The following GRID2 variants were observed in gnomAD, a reference collection of about 807,000 sequenced individuals.
GRID2 encodes the protein glutamate receptor ionotropic, delta-2.
GRID2 carries 33 observed loss-of-function variants against 114.8 expected under a neutral mutation model. The ratio of observed to expected loss-of-function variants is 0.29; its 90% CI spans 0.22 to 0.38. The LOEUF is 0.38. GRID2 is among the 10% of genes least tolerant of loss of function. The probability of loss-of-function intolerance (pLI) is 1.00; values close to 1 mark genes in which losing one functional copy is unlikely to be tolerated. For synonymous variants in GRID2, 505 were observed against 449.9 expected, an observed-to-expected ratio of 1.12 and a Z score of -1.55; for missense variants, 1,184 against 1,257.7, an observed-to-expected ratio of 0.94 and a Z score of 0.89.
intron 8 of GRID2, among the ~76,000 whole-genome samples, chr4:93,364,393 A>C (rs1418932231): frequency 1.3e-5 from 2 of 152,078 alleles, no homozygotes; most frequent in Non-Finnish European, 2.9e-5. Context: ...TGGGTTAGAA[A>C]ATTTTTCTTC....
Position 92,460,032 on chromosome 4 carries a change from C to CTCTATATATATATATATATATATA in GRID2, c.89-130098_89-130097insCTATATATATATATATATATATAT, listed in dbSNP as rs749790235. Among the ~76,000 whole-genome samples the CTCTATATATATATATATATATATA allele has an allele frequency of 1.8e-3, 89 of 48,296 alleles. 1 individual carries two copies. Among genetic ancestry groups the CTCTATATATATATATATATATATA allele is most frequent in the African/African-American group, 5.7e-3 (56 of 9,818 alleles). 31.7% of individuals were successfully genotyped at this position (48,296 alleles called of 152,430 possible). On this transcript the variant is annotated intron_variant, in intron 1 of 15. Coordinates refer to ENST00000282020, the MANE Select transcript of GRID2 (RefSeq NM_001510.4). The stretch of plus-strand genomic sequence containing the variant: ...AGCCCATTCCTTAAAATAAATCTCA[C>CTCTATATATATATATATATATATA]TATATATATATATATATATATACAC...
At position 92,548,401 on chromosome 4, in the gene GRID2, A is replaced by AT. The variant is rs61653263; in HGVS notation, c.89-41712dup. ...ATGAAGACATTTCTGAGACTGTGTAATTTTTTTTTTTTTTTTTTGAGACAG... is the reference window on the plus strand; with the variant it reads ...ATGAAGACATTTCTGAGACTGTGTAATTTTTTTTTTTTTTTTTTTGAGACAG... On this transcript the variant is annotated intron_variant, in intron 1 of 15. Coordinates refer to ENST00000282020, the MANE Select transcript of GRID2 (RefSeq NM_001510.4). Among the ~76,000 whole-genome samples the AT allele has an allele frequency of 3.0e-4, 18 of 60,792 alleles. 3 individuals carry two copies. The highest frequency in any genetic ancestry group is 1.0e-3 in the East Asian group (2 of 1,930). The allele number at this position is 60,792 out of a possible 152,430, so 39.9% of individuals were successfully genotyped here. A position where few individuals can be genotyped will look rare whatever the true frequency, so the allele number is the denominator to read the frequency against.
chr4:93,508,259 G>T (rs1376379474), intron 12 of GRID2, among the ~76,000 whole-genome samples: 4 of 149,728 alleles, frequency 2.7e-5, no homozygotes, highest in Admixed American at 6.6e-5. Context: ...GTGCAGTGGT[G>T]TGATATCGGC....
intron 1 of GRID2, among the ~76,000 whole-genome samples, chr4:92,377,822 A>C (rs1258490311): frequency 6.6e-6 from 1 of 152,058 alleles, no homozygotes; most frequent in Non-Finnish European, 1.5e-5. Flanking sequence ...TACTATTACA[A>C]GAATAGCATG....
intron 2 of GRID2, among the ~76,000 whole-genome samples, chr4:92,852,576 G>C (rs1743899118): frequency 6.6e-6 from 1 of 151,858 alleles, no homozygotes; most frequent in Non-Finnish European, 1.5e-5. Context: ...GAAGCTCTTT[G>C]ATATAATTTC....
chr4:93,591,041 C>G (rs1053020107), intron 13 of GRID2, among the ~76,000 whole-genome samples: 4 of 150,406 alleles, frequency 2.7e-5, no homozygotes, highest in Admixed American at 2.0e-4. Context: ...ATTGAATACC[C>G]TTTATTTCCT....
chr4:92,450,399 C>T (rs76487361), intron 1 of GRID2, among the ~76,000 whole-genome samples: 3,698 of 152,040 alleles, frequency 0.024, 152 homozygotes, highest in African/African-American at 0.084. Context: ...CTCGAAGGAA[C>T]AGAGAAATCC....
At chr4:93,360,366 T>C (rs1761774580) in intron 8 of GRID2, among the ~76,000 whole-genome samples, 3 of 152,030 alleles carry the variant, frequency 2.0e-5, no homozygotes. Context: ...AGTTCATTTA[T>C]TTTAATTTTG....
chr4:92,491,035 A>T (rs1048503050), intron 1 of GRID2, among the ~76,000 whole-genome samples: 1 of 152,182 alleles, frequency 6.6e-6, no homozygotes, highest in African/African-American at 2.4e-5. Context: ...CTTTCTGTTT[A>T]CTTATAATTT....
intron 3 of GRID2, among the ~76,000 whole-genome samples, chr4:93,090,058 A>T (rs911335648): frequency 2.0e-5 from 3 of 152,160 alleles, no homozygotes; most frequent in Admixed American, 6.6e-5. Flanking sequence ...TTGTCTCCCA[A>T]TAATGTAATA....
intron 2 of GRID2, among the ~76,000 whole-genome samples, chr4:92,711,951 A>T (rs1487218416): frequency 6.6e-6 from 1 of 152,178 alleles, no homozygotes; most frequent in African/African-American, 2.4e-5. Flanking sequence ...TGTTAAGTCA[A>T]TCCAGATGAT....
intron 2 of GRID2, among the ~76,000 whole-genome samples, chr4:92,629,850 C>A (rs1160596446): frequency 2.1e-5 from 3 of 142,202 alleles, no homozygotes; most frequent in Non-Finnish European, 3.0e-5. Context: ...CACAATAACA[C>A]AATGAAAGTA....
intron 14 of GRID2, among the ~76,000 whole-genome samples, chr4:93,714,358 G>C (rs545082226): frequency 5.1e-4 from 78 of 152,198 alleles, no homozygotes; most frequent in African/African-American, 1.9e-3. Flanking sequence ...CATTTAGGTT[G>C]ACTCCATGTC....
In GRID2 at chr4:93,710,410, C is replaced by T. The variant is rs1460098346; in HGVS notation, c.2361-58800C>T. 2.6e-5 allele frequency among the ~76,000 whole-genome samples: 4 copies of T among 152,160 alleles called. No homozygotes were observed. In the East Asian group the frequency reaches 7.7e-4, roughly 29 times the overall value. On this transcript the variant is annotated intron_variant, in intron 14 of 15. Transcript: ENST00000282020. ...CAAGACAGAGACTCTTGTTCTCTTC[C>T]TTTACTTTTCGCTAAACGAATGGAG...
chr4:92,674,140 G>C (rs1560524969), intron 2 of GRID2, among the ~76,000 whole-genome samples: 2 of 151,992 alleles, frequency 1.3e-5, no homozygotes, highest in South Asian at 4.1e-4. Context: ...AAAATGAATT[G>C]AGTTTCTTAG....
intron 2 of GRID2, among the ~76,000 whole-genome samples, chr4:92,695,060 G>A (rs941389570): frequency 4.6e-5 from 7 of 151,962 alleles, no homozygotes; most frequent in South Asian, 2.1e-4. Flanking sequence ...CCTACTTCCC[G>A]GACTCAAGTG....
At chr4:93,462,603 T>C (rs1424536569) in intron 11 of GRID2, among the ~76,000 whole-genome samples, 1 of 152,162 alleles carries the variant, frequency 6.6e-6, no homozygotes, top group Non-Finnish European at 1.5e-5. Flanking sequence ...AACTTTCTCA[T>C]ATCCACAAAA....
chr4:93,287,764 C>A (rs1257880681), intron 8 of GRID2, among the ~76,000 whole-genome samples: 2 of 152,148 alleles, frequency 1.3e-5, no homozygotes, highest in Non-Finnish European at 2.9e-5. Context: ...ATAAAGAGAG[C>A]ATGTTCACTA....
At chr4:93,152,436 T>G (rs1170254822) in intron 4 of GRID2, among the ~76,000 whole-genome samples, 1 of 152,108 alleles carries the variant, frequency 6.6e-6, no homozygotes, top group Admixed American at 6.6e-5. Context: ...TGATTGCTTT[T>G]CCAGGAAAAG....
Sources: gnomAD v4.1 joint callset for allele counts (sites outside exome capture counted in the v4.1 genomes callset) on GRCh38, gnomAD v4.1.1 for gene constraint, MANE v1.5 for transcripts, NCBI Gene and HGNC (gene_info 2026-07-23, HGNC 2026-07-21) for gene names.